KDR: variants seen among roughly 807,000 people sequenced by gnomAD.
KDR encodes the protein vascular endothelial growth factor receptor 2.
Under a neutral mutation model 160.9 loss-of-function variants are expected in KDR, and 43 were observed. The ratio of observed to expected loss-of-function variants is 0.27; its 90% CI spans 0.21 to 0.34. The LOEUF is 0.34. Ranked by LOEUF, KDR falls within the 10% of genes least tolerant of loss-of-function variation. The probability of loss-of-function intolerance (pLI) is 1.00; values close to 1 mark genes in which losing one functional copy is unlikely to be tolerated. For synonymous variants in KDR, 617 were observed against 600.1 expected (o/e 1.03, Z -0.41); for missense variants, 1,469 against 1,666.4 (o/e 0.88, Z 2.06).
chr4:55,084,123 G>C (rs985897809), intron 27 of KDR, among the ~76,000 whole-genome samples: 3 of 152,120 alleles, frequency 2.0e-5, no homozygotes, highest in Non-Finnish European at 2.9e-5. Flanking sequence ...GGAAACCAAG[G>C]CATAGAAAAT....
At chr4:55,107,714 A>T (rs1416986120) in intron 10 of KDR, 23 bp downstream of exon 10, 1 of 1,613,674 alleles carries the variant, frequency 6.2e-7, no homozygotes, top group Non-Finnish European at 8.5e-7. Context: ...GCAGGAAAGC[A>T]AAGAGCATGT....
At chr4:55,090,849 CTTTTTTTTTTT>C (rs61138010) in intron 22 of KDR, among the ~76,000 whole-genome samples, 2 of 84,110 alleles carry the variant, frequency 2.4e-5, no homozygotes, top group Non-Finnish European at 2.2e-5. Context: ...TAGAAGAAAA[CTTTTTTTTTTT>C]TTTTTTTTTT....
chr4:55,089,007 C>G (rs770062007), intron 25 of KDR, 34 bp from the exon 26 acceptor site: 1 of 1,434,960 alleles, frequency 7.0e-7, no homozygotes, highest in African/African-American at 1.4e-5. Flanking sequence ...CATTAAATGC[C>G]TCTTTCTTCC....
chr4:55,089,095 A>G, intron 25 of KDR, 122 bp from the exon 26 acceptor site: 1 of 778,972 alleles, frequency 1.3e-6, no homozygotes, highest in Non-Finnish European at 2.2e-6. Context: ...TAAGGATACA[A>G]AACTGTGTAA....
At position 55,125,442 on chromosome 4, in the gene KDR, C is replaced by A; in HGVS notation, c.-149G>T. 2 of 970,110 alleles carry A rather than the reference C, an allele frequency of 2.1e-6. No homozygotes were observed. The highest frequency in any genetic ancestry group is 3.1e-6 in the Non-Finnish European group (2 of 645,368). 60.1% of individuals were successfully genotyped at this position (970,110 alleles called of 1,614,324 possible). On this transcript the variant is annotated 5_prime_UTR_variant, in exon 1 of 30. Coordinates refer to ENST00000263923, the MANE Select transcript of KDR (RefSeq NM_002253.4). ...GCACAGGGCTAGGGAGCCCGGGCGCCGACCGCGGCTGCAGGGGCGTCTGCG... is the reference window on the plus strand; with the variant it reads ...GCACAGGGCTAGGGAGCCCGGGCGCAGACCGCGGCTGCAGGGGCGTCTGCG...
At chr4:55,121,341 T>C (rs1219111522) in intron 1 of KDR, 151 bp from the exon 2 acceptor site, 2 of 660,076 alleles carry the variant, frequency 3.0e-6, no homozygotes, top group Admixed American at 4.6e-5. Flanking sequence ...CCATTCTCAG[T>C]AAAAGTTCAC....
chr4:55,101,839 T>C, intron 15 of KDR, 58 bp downstream of exon 15: 1 of 1,438,846 alleles, frequency 7.0e-7, no homozygotes, highest in Non-Finnish European at 9.7e-7. Flanking sequence ...GATTCCTTTT[T>C]ACGGCTGCAT....
chr4:55,079,879 T>G lies in KDR; in HGVS notation c.*62A>C, dbSNP rs1578123818. 28 of 1,425,834 alleles carry G rather than the reference T, an allele frequency of 2.0e-5. No homozygotes were observed. Among genetic ancestry groups the G allele is most frequent in the Non-Finnish European group, 2.8e-5 (28 of 1,009,362 alleles). 88.3% of individuals were successfully genotyped at this position (1,425,834 alleles called of 1,614,324 possible). ...TTCCTGCTGGTGGAAAGAACAACAC[T>G]TGAAAATCTGAGCAGCACCTCTCAT... On this transcript the variant is annotated 3_prime_UTR_variant, in exon 30 of 30. Transcript: ENST00000263923.
Position 55,097,691 on chromosome 4 carries a change from C to A in KDR, c.2585G>T (p.Cys862Phe), listed in dbSNP as rs755228080. The change falls in exon 18 of 30, where the codon TGC becomes TTC. Residue 862 changes from cysteine (C) to phenylalanine (F), a missense_variant. Transcript: ENST00000263923. ...DAFGIDKTATCRTVAVKMLKE... is the reference protein window; with the variant it reads ...DAFGIDKTATFRTVAVKMLKE... Reference sequence around the variant, plus strand: ...CAACATTTTGACTGCTACTGTCCTGCAAGTTGCTGTCTTGTCAATTCCAAA... The same window carrying A: ...CAACATTTTGACTGCTACTGTCCTGAAAGTTGCTGTCTTGTCAATTCCAAA... 3.1e-6 allele frequency: 5 copies of A among 1,613,372 alleles called. No individual in the cohort carries two copies. Among genetic ancestry groups the A allele is most frequent in the Non-Finnish European group, 4.2e-6 (5 of 1,179,572 alleles).
At chr4:55,094,333 C>T (rs995596228) in intron 21 of KDR, among the ~76,000 whole-genome samples, 2 of 152,128 alleles carry the variant, frequency 1.3e-5, no homozygotes, top group East Asian at 3.9e-4. Context: ...ACTTGATAAG[C>T]CGCTTGGGGT....
Position 55,102,477 on chromosome 4 carries a change from C to G in KDR, c.2019G>C (p.Leu673=), listed in dbSNP as rs2110021366. Residue 673 remains leucine (L), a synonymous_variant, in exon 14 of 30, where the codon CTG becomes CTC. Coordinates refer to ENST00000263923, the MANE Select transcript of KDR (RefSeq NM_002253.4). ...ERVAPTITGN[L]ENQTTSIGES... is the part of the protein sequence containing the mutation. The stretch of plus-strand genomic sequence containing the variant: ...CCCCAATACTTGTCGTCTGATTCTC[C>G]AGGTTTCCTGTGATCGTGGGTGCCA... 1 of 1,613,754 alleles carries G rather than the reference C, an allele frequency of 6.2e-7. No homozygotes were observed. Among genetic ancestry groups the G allele is most frequent in the Non-Finnish European group, 8.5e-7 (1 of 1,179,770 alleles).
chr4:55,089,673 C>T lies in KDR; in HGVS notation c.3304+18G>A. On this transcript the variant is annotated intron_variant, in intron 24 of 29. Coordinates refer to ENST00000263923, the MANE Select transcript of KDR (RefSeq NM_002253.4). ...CCTCTTTGGAGTCTGGATGGAAGGACAAAAAGAAATGACTTACCTAAGGAA... is the reference window on the plus strand; with the variant it reads ...CCTCTTTGGAGTCTGGATGGAAGGATAAAAAGAAATGACTTACCTAAGGAA... 1 of 1,601,880 alleles carries T rather than the reference C, an allele frequency of 6.2e-7. No individual in the cohort carries two copies. The highest frequency in any genetic ancestry group is 8.6e-7 in the Non-Finnish European group (1 of 1,169,504).
At chr4:55,100,032 A>C (rs1720269943) in intron 15 of KDR, among the ~76,000 whole-genome samples, 1 of 152,138 alleles carries the variant, frequency 6.6e-6, no homozygotes, top group African/African-American at 2.4e-5. Context: ...CAAAATACAG[A>C]AACAGGCTTT....
chr4:55,103,095 G>A (rs1243864514), intron 13 of KDR, among the ~76,000 whole-genome samples: 1 of 152,150 alleles, frequency 6.6e-6, no homozygotes, highest in Admixed American at 6.5e-5. Flanking sequence ...ACTGTTTACA[G>A]AATCTGGTGA....
In KDR at chr4:55,088,849, T is replaced by G. The variant is rs1464782026; in HGVS notation, c.3510+19A>C. The G allele has an allele frequency of 3.8e-6, 6 of 1,568,306 alleles. No individual in the cohort carries two copies. Among genetic ancestry groups the G allele is most frequent in the Non-Finnish European group, 5.3e-6 (6 of 1,138,370 alleles). On this transcript the variant is annotated intron_variant, in intron 26 of 29. Transcript: ENST00000263923. ...TCTAAGTACTCTTTGTAGGTGCTTCTTGGATGGAGGTGACAAACCTGCTGA... is the reference window on the plus strand; with the variant it reads ...TCTAAGTACTCTTTGTAGGTGCTTCGTGGATGGAGGTGACAAACCTGCTGA...
Position 55,106,815 on chromosome 4 carries a change from A to T in KDR, c.1413-5T>A. On this transcript the variant is annotated splice_region_variant and splice_polypyrimidine_tract_variant and intron_variant, in intron 10 of 29. Transcript: ENST00000263923. ...TTTGTCACTGAGACAGCTTGGCTAT[A>T]AGAAAGAGATAACAGCGCATATTAT... The T allele has an allele frequency of 6.2e-7, 1 of 1,605,100 alleles. No individual in the cohort carries two copies. The highest frequency in any genetic ancestry group is 8.5e-7 in the Non-Finnish European group (1 of 1,171,832).
chr4:55,105,522 A>C (rs1405250916), intron 12 of KDR, among the ~76,000 whole-genome samples: 2 of 152,184 alleles, frequency 1.3e-5, no homozygotes, highest in African/African-American at 4.8e-5. Context: ...ACCAATATGT[A>C]CTGAAGCTCA....
At position 55,082,598 on chromosome 4, in the gene KDR, C is replaced by T. The variant is rs1457048123; in HGVS notation, c.3700G>A (p.Val1234Met). The T allele has an allele frequency of 1.2e-6, 2 of 1,613,866 alleles. No homozygotes were observed. The highest frequency in any genetic ancestry group is 4.5e-5 in the East Asian group (2 of 44,884). The change falls in exon 28 of 30, where the codon GTG (valine) becomes ATG (methionine). Residue 1234 changes from valine (V) to methionine (M), a missense_variant. Val to Met is a conservative substitution (Grantham distance 21). Transcript: ENST00000263923. ...LQNSKRKSRP[V>M]SVKTFEDIPL... ...ATATCTTCAAATGTTTTTACACTCACAGGCCGGCTCTTTCGCTTACTGTTC... is the reference window on the plus strand; with the variant it reads ...ATATCTTCAAATGTTTTTACACTCATAGGCCGGCTCTTTCGCTTACTGTTC...
intron 5 of KDR, 105 bp downstream of exon 5, chr4:55,114,769 G>A: frequency 9.9e-7 from 1 of 1,015,116 alleles, no homozygotes; most frequent in Non-Finnish European, 1.5e-6. Context: ...ACCATATCCT[G>A]AGTTCCTATA....
Sources: allele counts gnomAD v4.1 joint callset (sites outside exome capture counted in the v4.1 genomes callset), GRCh38; gene constraint gnomAD v4.1.1; transcripts MANE v1.5; gene names NCBI Gene and HGNC (gene_info 2026-07-23, HGNC 2026-07-21).